The following BTAF1 variants were observed in gnomAD, a reference collection of about 807,000 sequenced individuals.
BTAF1 encodes the protein TATA-binding protein-associated factor 172.
A neutral mutation model predicts 227.1 loss-of-function variants in BTAF1; 38 were observed. That is an observed-to-expected ratio of 0.17 (90% confidence interval 0.13 to 0.22). The LOEUF is 0.22. Ranked by LOEUF, BTAF1 falls within the 10% of genes least tolerant of loss-of-function variation. BTAF1 has a pLI of 1.00. For synonymous variants in BTAF1, 742 were observed against 751.9 expected, an observed-to-expected ratio of 0.99 and a Z score of 0.21; for missense variants, 1,598 against 2,204.0, an observed-to-expected ratio of 0.73 and a Z score of 5.51.
chr10:92,026,221 G>A (rs574330934), intron 35 of BTAF1, among the ~76,000 whole-genome samples: 3 of 151,940 alleles, frequency 2.0e-5, no homozygotes, highest in East Asian at 1.9e-4. Context: ...ACCTTCTGTC[G>A]TCCCTGAATG....
At chr10:91,928,757 C>T (rs1231040063) in intron 1 of BTAF1, among the ~76,000 whole-genome samples, 1 of 46,460 alleles carries the variant, frequency 2.2e-5, no homozygotes, top group Non-Finnish European at 4.3e-5. Flanking sequence ...GAGCAAGAAT[C>T]CATCCCCCCC....
intron 1 of BTAF1, among the ~76,000 whole-genome samples, chr10:91,934,593 T>C (rs1244948303): frequency 6.6e-6 from 1 of 152,164 alleles, no homozygotes; most frequent in Non-Finnish European, 1.5e-5. Context: ...TCCTAAAGCA[T>C]AGTTTCAGTT....
At chr10:91,975,015 C>T (rs149738469) in intron 14 of BTAF1, among the ~76,000 whole-genome samples, 1 of 152,264 alleles carries the variant, frequency 6.6e-6, no homozygotes, top group East Asian at 1.9e-4. Flanking sequence ...TGCTAGAGTA[C>T]ACCTATTAAT....
At chr10:91,964,784 G>A (rs1484234778) in intron 13 of BTAF1, among the ~76,000 whole-genome samples, 1 of 152,116 alleles carries the variant, frequency 6.6e-6, no homozygotes, top group Non-Finnish European at 1.5e-5. Context: ...TCAGCTCAGC[G>A]AATTAACATA....
chr10:92,026,519 TTTAA>T, intron 35 of BTAF1, 69 bp from the exon 36 acceptor site: 2 of 1,259,820 alleles, frequency 1.6e-6, no homozygotes, highest in Non-Finnish European at 2.2e-6. Flanking sequence ...ATTTGTGCTC[TTTAA>T]TTTTTATTAA....
At chr10:92,023,411 G>A (rs951896257) in intron 34 of BTAF1, among the ~76,000 whole-genome samples, 1 of 152,060 alleles carries the variant, frequency 6.6e-6, no homozygotes, top group African/African-American at 2.4e-5. Context: ...AGATTGGCCC[G>A]GTACAGTGGC....
rs1851879272 is a variant in BTAF1 at position 92,031,268 on chromosome 10, A to G, written c.*2335A>G. Among the ~76,000 whole-genome samples the G allele has an allele frequency of 6.6e-6, 1 of 152,188 alleles. No homozygotes were observed. Among genetic ancestry groups the G allele is most frequent in the Admixed American group, 6.5e-5 (1 of 15,284 alleles). ...TTTTGTTTCATATATTCACTCATAT[A>G]TATGCTTATTGTATATGCTTATTTA... On this transcript the variant is annotated 3_prime_UTR_variant, in exon 38 of 38. Coordinates refer to ENST00000265990, the MANE Select transcript of BTAF1 (RefSeq NM_003972.3).
intron 5 of BTAF1, 135 bp downstream of exon 5, chr10:91,951,701 C>G: frequency 1.1e-6 from 1 of 941,074 alleles, no homozygotes. Context: ...CATAATTTAG[C>G]ATCTTTTTTT....
At chr10:91,932,032 G>A (rs1196448611) in intron 1 of BTAF1, among the ~76,000 whole-genome samples, 3 of 152,160 alleles carry the variant, frequency 2.0e-5, no homozygotes, top group Admixed American at 2.0e-4. Flanking sequence ...TGGTGGGAGA[G>A]CAGAGGTGAC....
intron 11 of BTAF1, 140 bp from the exon 12 acceptor site, chr10:91,962,398 C>T: frequency 1.8e-6 from 1 of 567,234 alleles, no homozygotes; most frequent in Non-Finnish European, 3.1e-6. Context: ...ATGTATTTCT[C>T]AGAATGTATC....
intron 1 of BTAF1, among the ~76,000 whole-genome samples, chr10:91,935,416 A>G (rs932813883): frequency 2.6e-5 from 4 of 152,158 alleles, no homozygotes; most frequent in African/African-American, 7.2e-5. Context: ...CCCAGCTGCT[A>G]GTAACCACTT....
chr10:91,948,791 T>A (rs1053290133), intron 4 of BTAF1, among the ~76,000 whole-genome samples: 2 of 151,740 alleles, frequency 1.3e-5, no homozygotes, highest in Admixed American at 6.6e-5. Flanking sequence ...TAAAATTTTT[T>A]GTCCAGATGG....
chr10:91,930,396 G>A (rs1476977812), intron 1 of BTAF1, among the ~76,000 whole-genome samples: 1 of 152,086 alleles, frequency 6.6e-6, no homozygotes, highest in Non-Finnish European at 1.5e-5. Context: ...GGTGCTAGAG[G>A]TATAGCAGAG....
At chr10:91,940,116 T>C (rs538574478) in intron 3 of BTAF1, 50 bp downstream of exon 3, 1 of 1,156,612 alleles carries the variant, frequency 8.6e-7, no homozygotes, top group Admixed American at 1.9e-5. Context: ...AACTGTAGAA[T>C]TAATTATAAT....
intron 20 of BTAF1, among the ~76,000 whole-genome samples, chr10:91,990,747 C>G (rs753309108): frequency 2.6e-5 from 4 of 151,776 alleles, no homozygotes; most frequent in African/African-American, 7.2e-5. Context: ...GAGCTGAGAT[C>G]GCGCCATTGT....
At chr10:91,965,721 A>T (rs118112108) in intron 13 of BTAF1, among the ~76,000 whole-genome samples, 2,569 of 152,298 alleles carry the variant, frequency 0.017, 41 homozygotes, top group Non-Finnish European at 0.022. Context: ...ACTTTGTTAT[A>T]ATGCTTTTAT....
At position 92,024,732 on chromosome 10, in the gene BTAF1, G is replaced by GTTTTTTTTTTTTT. The variant is rs1554870028; in HGVS notation, c.4864-22_4864-10dup. On this transcript the variant is annotated intron_variant, in intron 34 of 37. Transcript: ENST00000265990. ...TCTGCTTTTATTGAACGCTTATGTA[G>GTTTTTTTTTTTTT]TTTTTTTTTTTTTTCTTCCTAAGTT... 6.1e-5 allele frequency: 77 copies of GTTTTTTTTTTTTT among 1,267,962 alleles called. 1 individual carries two copies. Among genetic ancestry groups the GTTTTTTTTTTTTT allele is most frequent in the South Asian group, 2.1e-4 (16 of 75,180 alleles). 78.5% of individuals were successfully genotyped at this position (1,267,962 alleles called of 1,614,324 possible).
intron 8 of BTAF1, among the ~76,000 whole-genome samples, chr10:91,958,823 A>G (rs560784486): frequency 5.5e-4 from 84 of 152,330 alleles, no homozygotes; most frequent in Admixed American, 8.5e-4. Context: ...TATATCTCAA[A>G]AGGATTTTAG....
chr10:91,924,472 G>T (rs906602646), intron 1 of BTAF1, among the ~76,000 whole-genome samples: 7 of 152,166 alleles, frequency 4.6e-5, no homozygotes, highest in Non-Finnish European at 1.0e-4. Context: ...ACTGTCGATG[G>T]AGGGGAAACC....
Sources: gnomAD v4.1 joint callset for allele counts (sites outside exome capture counted in the v4.1 genomes callset) on GRCh38, gnomAD v4.1.1 for gene constraint, MANE v1.5 for transcripts, NCBI Gene and HGNC (gene_info 2026-07-23, HGNC 2026-07-21) for gene names.